The following PHC2 variants were observed in gnomAD, a reference collection of about 807,000 sequenced individuals.
PHC2 encodes polyhomeotic homolog 2.
In PHC2, 29 loss-of-function variants were observed where a neutral mutation model predicts 87.4. The ratio of observed to expected loss-of-function variants is 0.33; its 90% CI spans 0.25 to 0.45. The LOEUF is 0.45. PHC2 is among the 20% of genes least tolerant of loss of function. PHC2 has a pLI of 1.00. For synonymous variants in PHC2, 438 were observed against 461.7 expected (o/e 0.95, Z 0.66); for missense variants, 857 against 1,136.7 (o/e 0.75, Z 3.54).
Position 33,370,544 on chromosome 1 carries a change from G to A in PHC2, c.453C>T (p.Asn151=). The change falls in exon 5 of 15, where the codon AAC becomes AAT. Residue 151 remains asparagine (N), a synonymous_variant. Transcript: ENST00000683057. The part of the protein sequence containing the change: ...AASPAAAQLL[N]RAQSVNSAAA... Reference sequence around the variant, plus strand: ...CTGCAGAGTTCACACTCTGGGCCCGGTTGAGGAGCTGGGCTGCTGCTGGGG... The same window carrying A: ...CTGCAGAGTTCACACTCTGGGCCCGATTGAGGAGCTGGGCTGCTGCTGGGG... The A allele has an allele frequency of 6.2e-7, 1 of 1,613,976 alleles. No homozygotes were observed. Among genetic ancestry groups the A allele is most frequent in the Non-Finnish European group, 8.5e-7 (1 of 1,179,874 alleles).
At chr1:33,340,578 C>T (rs1646724658) in intron 9 of PHC2, among the ~76,000 whole-genome samples, 2 of 152,192 alleles carry the variant, frequency 1.3e-5, no homozygotes, top group Non-Finnish European at 2.9e-5. Context: ...TCTGGGGCCA[C>T]GCTTTACAAT....
chr1:33,416,251 T>G (rs1570514494), intron 1 of PHC2, among the ~76,000 whole-genome samples: 1 of 151,988 alleles, frequency 6.6e-6, no homozygotes, highest in East Asian at 1.9e-4. Flanking sequence ...AAAAAGACAT[T>G]ACAGCAACAT....
intron 1 of PHC2, among the ~76,000 whole-genome samples, chr1:33,420,873 C>T (rs1650408211): frequency 6.6e-6 from 1 of 152,110 alleles, no homozygotes; most frequent in Non-Finnish European, 1.5e-5. Context: ...AGCCTCCCAA[C>T]GTGCTGTGTT....
intron 1 of PHC2, among the ~76,000 whole-genome samples, chr1:33,407,164 A>G (rs1365002484): frequency 6.6e-6 from 1 of 152,190 alleles, no homozygotes; most frequent in African/African-American, 2.4e-5. Context: ...CTTCTTGCAG[A>G]TATTTTCAAG....
At chr1:33,400,529 A>G (rs1033209614) in intron 1 of PHC2, among the ~76,000 whole-genome samples, 3 of 152,208 alleles carry the variant, frequency 2.0e-5, no homozygotes, top group Non-Finnish European at 2.9e-5. Context: ...CTTCACACCA[A>G]TTCCATGACA....
chr1:33,327,993 A>AGAGCCAGAATTTGAATTT (rs1646408305), intron 14 of PHC2, among the ~76,000 whole-genome samples: 2 of 152,254 alleles, frequency 1.3e-5, no homozygotes, highest in Non-Finnish European at 2.9e-5. Flanking sequence ...GTTAAGTGAC[A>AGAGCCAGAATTTGAATTT]GAGCCAGAAT....
chr1:33,424,112 C>CA (rs1212690881), intron 1 of PHC2, among the ~76,000 whole-genome samples: 19 of 137,340 alleles, frequency 1.4e-4, no homozygotes, highest in Admixed American at 5.8e-4. Flanking sequence ...AAAAAAAAAA[C>CA]AAAAAAAACA....
In PHC2 at chr1:33,331,697, A is replaced by G. The variant is rs755994221; in HGVS notation, c.1892-235T>C. 6 of 441,040 alleles carry G rather than the reference A, an allele frequency of 1.4e-5. No individual in the cohort carries two copies. The highest frequency in any genetic ancestry group is 2.0e-5 in the Non-Finnish European group (5 of 248,242). The allele number at this position is 441,040 out of a possible 1,614,324, so 27.3% of individuals were successfully genotyped here. A position where few individuals can be genotyped will look rare whatever the true frequency, so the allele number is the denominator to read the frequency against. ...ACATTTTTTTCTTCCACGTGGTCTG[A>G]GTCTGAGGCAAAACACAGGTGGGGA... On this transcript the variant is annotated intron_variant, in intron 11 of 14. Coordinates refer to ENST00000683057, the MANE Select transcript of PHC2 (RefSeq NM_001385109.1). The surrounding 1 kb of genome is among the most constrained non-coding windows in gnomAD (Gnocchi z 5.2).
chr1:33,396,449 T>C (rs374427450), intron 1 of PHC2, among the ~76,000 whole-genome samples: 3 of 152,222 alleles, frequency 2.0e-5, no homozygotes, highest in African/African-American at 7.2e-5. Context: ...CATAATTGCT[T>C]CATTTCCACT....
chr1:33,430,257 G>C (rs1188065358), intron 1 of PHC2, among the ~76,000 whole-genome samples: 1 of 152,184 alleles, frequency 6.6e-6, no homozygotes, highest in African/African-American at 2.4e-5. Context: ...TGGGTGTCAG[G>C]TCATCACTCA....
intron 9 of PHC2, chr1:33,345,391 G>T: frequency 4.5e-6 from 1 of 223,940 alleles, no homozygotes; most frequent in Non-Finnish European, 7.5e-6. Context: ...GTCTTTACCA[G>T]ATGTAGAAAG....
At chr1:33,336,455 G>GA (rs1029405787) in intron 9 of PHC2, 15 of 5,784 alleles carry the variant, frequency 2.6e-3, no homozygotes, top group African/African-American at 3.3e-3. Context: ...AAGGACCAAT[G>GA]AAGTTTTTTT....
chr1:33,383,695 C>T (rs1054103867), intron 1 of PHC2, among the ~76,000 whole-genome samples: 7 of 152,192 alleles, frequency 4.6e-5, no homozygotes, highest in Admixed American at 6.5e-5. Flanking sequence ...GGACTCACTG[C>T]TGTAAGGCAG....
intron 1 of PHC2, among the ~76,000 whole-genome samples, chr1:33,418,052 T>C (rs894262989): frequency 6.6e-6 from 1 of 152,038 alleles, no homozygotes; most frequent in Admixed American, 6.6e-5. Context: ...ACATTACGTA[T>C]CAAAATCTGT....
rs979340949 is a variant in PHC2, at chr1:33,334,749, G to A, written c.1559-457C>T. On this transcript the variant is annotated intron_variant, in intron 9 of 14. Transcript: ENST00000683057. This position sits in a 1 kb window ranked among gnomAD's most constrained non-coding sequence, Gnocchi z 5.5. ...GAGTGTGATAAAGAGAAGCTTCTAC[G>A]AGGTTCCTTAGAGGAGGGATTTTAA... Among the ~76,000 whole-genome samples, 3 of 152,204 alleles carry A rather than the reference G, an allele frequency of 2.0e-5. No individual in the cohort carries two copies. The highest frequency in any genetic ancestry group is 6.5e-5 in the Admixed American group (1 of 15,276).
chr1:33,379,514 C>G (rs1255475978), intron 1 of PHC2, among the ~76,000 whole-genome samples: 13 of 104,176 alleles, frequency 1.2e-4, no homozygotes, highest in African/African-American at 5.2e-4. Context: ...CCCCAACCAC[C>G]CGTGTCTTTT....
chr1:33,349,960 GGGGAGGGGCGGGGCCGC>G lies in PHC2; in HGVS notation c.1558+4424_1558+4440del, dbSNP rs1007723969. The G allele has an allele frequency of 6.9e-5, 29 of 417,290 alleles. No homozygotes were observed. Among genetic ancestry groups the G allele is most frequent in the East Asian group, 3.2e-4 (2 of 6,208 alleles). The allele number at this position is 417,290 out of a possible 1,614,324, so 25.8% of individuals were successfully genotyped here. A position where few individuals can be genotyped will look rare whatever the true frequency, so the allele number is the denominator to read the frequency against. ...CGGGGGCGGGGCGAGGGAGCGGGGC[GGGGAGGGGCGGGGCCGC>G]GGGAGGGGCGGGGCGGACACGGGCC... On this transcript the variant is annotated intron_variant, in intron 9 of 14. Coordinates refer to ENST00000683057, the MANE Select transcript of PHC2 (RefSeq NM_001385109.1). This position sits in a 1 kb window ranked among gnomAD's most constrained non-coding sequence, Gnocchi z 4.2.
chr1:33,332,255 T>G lies in PHC2; in HGVS notation c.1891+20A>C, dbSNP rs1186414921. 6.2e-7 allele frequency: 1 copy of G among 1,613,912 alleles called. No individual in the cohort carries two copies. Among genetic ancestry groups the G allele is most frequent in the South Asian group, 1.1e-5 (1 of 91,078 alleles). On this transcript the variant is annotated intron_variant, in intron 11 of 14. Transcript: ENST00000683057. The surrounding 1 kb of genome is among the most constrained non-coding windows in gnomAD (Gnocchi z 4.2). ...CAGCCACGCTGGGAGGCCGAGAGATTCAGGGTCTGAGATGCCCACCTTGCA... is the reference window on the plus strand; with the variant it reads ...CAGCCACGCTGGGAGGCCGAGAGATGCAGGGTCTGAGATGCCCACCTTGCA...
At chr1:33,361,459 G>C (rs900251709) in intron 7 of PHC2, among the ~76,000 whole-genome samples, 5 of 152,202 alleles carry the variant, frequency 3.3e-5, no homozygotes, top group African/African-American at 1.2e-4. Context: ...TCCTGCCTCA[G>C]CCTCCCAAGT....
Sources: gnomAD v4.1 joint callset for allele counts (sites outside exome capture counted in the v4.1 genomes callset) on GRCh38, gnomAD v4.1.1 for gene constraint, Gnocchi (gnomAD v3.1) non-coding constraint, MANE v1.5 for transcripts, NCBI Gene and HGNC (gene_info 2026-07-23, HGNC 2026-07-21) for gene names.